CTNNA3: variants seen among roughly 807,000 people sequenced by gnomAD.
The protein encoded by CTNNA3 is catenin alpha 3.
Under a neutral mutation model 95.7 loss-of-function variants are expected in CTNNA3, and 76 were observed. The observed-to-expected ratio is 0.79, with a 90% confidence interval of 0.66 to 0.96. The LOEUF (loss-of-function observed/expected upper bound fraction) is 0.96, where lower values mean the gene tolerates loss of function less well. Ranked by LOEUF, CTNNA3 falls within the 40% of genes least tolerant of loss-of-function variation. The pLI is 0.00. For synonymous variants in CTNNA3, 431 were observed against 374.4 expected (o/e 1.15, Z -1.74); for missense variants, 1,191 against 1,089.8 (o/e 1.09, Z -1.31).
chr10:67,325,501 A>C (rs1270246808), intron 5 of CTNNA3, among the ~76,000 whole-genome samples: 1 of 152,134 alleles, frequency 6.6e-6, no homozygotes, highest in Non-Finnish European at 1.5e-5. Flanking sequence ...CTCAAAAGTC[A>C]TTTAGGAGGT....
At chr10:67,714,154 G>C (rs922895069) in intron 1 of CTNNA3, among the ~76,000 whole-genome samples, 1 of 152,174 alleles carries the variant, frequency 6.6e-6, no homozygotes, top group African/African-American at 2.4e-5. Context: ...TAGTGAAGCT[G>C]TGAGAAGAGG....
intron 5 of CTNNA3, among the ~76,000 whole-genome samples, chr10:67,409,167 G>A (rs1845269663): frequency 6.6e-6 from 1 of 152,146 alleles, no homozygotes; most frequent in Admixed American, 6.5e-5. Flanking sequence ...CATTGTGGAA[G>A]ACAGTGTGGT....
At chr10:66,587,792 A>T (rs1239103890) in intron 10 of CTNNA3, among the ~76,000 whole-genome samples, 2 of 152,062 alleles carry the variant, frequency 1.3e-5, no homozygotes, top group East Asian at 3.9e-4. Context: ...AGAACTAAAA[A>T]CTGCCCCAGG....
chr10:66,813,627 T>C (rs1158136012), intron 7 of CTNNA3, among the ~76,000 whole-genome samples: 1 of 152,208 alleles, frequency 6.6e-6, no homozygotes, highest in Non-Finnish European at 1.5e-5. Flanking sequence ...TAATTATGTT[T>C]CTATTGTATT....
intron 5 of CTNNA3, among the ~76,000 whole-genome samples, chr10:67,343,197 C>T (rs928675198): frequency 2.6e-5 from 4 of 152,206 alleles, no homozygotes; most frequent in South Asian, 2.1e-4. Flanking sequence ...GTGATCTGCC[C>T]GCCTTGGCCT....
intron 12 of CTNNA3, among the ~76,000 whole-genome samples, chr10:66,334,756 T>C (rs1024829613): frequency 1.3e-5 from 2 of 152,134 alleles, no homozygotes; most frequent in Admixed American, 6.5e-5. Flanking sequence ...ATTCTCTGTA[T>C]TTCCTGAATT....
At chr10:66,139,257 A>C (rs1317721713) in intron 13 of CTNNA3, among the ~76,000 whole-genome samples, 1 of 152,128 alleles carries the variant, frequency 6.6e-6, no homozygotes, top group Non-Finnish European at 1.5e-5. Flanking sequence ...ATTTATTCAC[A>C]CTGTATTTCC....
intron 7 of CTNNA3, among the ~76,000 whole-genome samples, chr10:66,897,614 A>C: frequency 6.6e-6 from 1 of 152,290 alleles, no homozygotes; most frequent in South Asian, 2.1e-4. Context: ...AATGCAAGGA[A>C]ATCTTAAATC....
intron 10 of CTNNA3, among the ~76,000 whole-genome samples, chr10:66,608,417 T>C (rs1844206856): frequency 6.6e-6 from 1 of 152,042 alleles, no homozygotes; most frequent in Non-Finnish European, 1.5e-5. Flanking sequence ...AAACTACCAA[T>C]GACACTCTTC....
At chr10:66,783,592 G>T (rs1421353955) in intron 7 of CTNNA3, among the ~76,000 whole-genome samples, 2 of 151,964 alleles carry the variant, frequency 1.3e-5, no homozygotes, top group Non-Finnish European at 2.9e-5. Flanking sequence ...CGAACGTGGA[G>T]AAATGCAATA....
chr10:66,216,426 C>A (rs2088541684), intron 13 of CTNNA3, among the ~76,000 whole-genome samples: 1 of 152,222 alleles, frequency 6.6e-6, no homozygotes, highest in South Asian at 2.1e-4. Flanking sequence ...ATGTTTCTTT[C>A]TGAGGAACTG....
At chr10:65,952,721 T>C (rs1469337386) in intron 17 of CTNNA3, among the ~76,000 whole-genome samples, 1 of 152,216 alleles carries the variant, frequency 6.6e-6, no homozygotes, top group Admixed American at 6.5e-5. Flanking sequence ...TTTTGGTCAA[T>C]AGCTGAATTA....
intron 9 of CTNNA3, 120 bp from the exon 10 acceptor site, chr10:66,621,904 C>G (rs1844764677): frequency 1.9e-6 from 1 of 537,206 alleles, no homozygotes; most frequent in African/African-American, 2.0e-5. Context: ...ATAACATTCT[C>G]AAAATCATCA....
intron 10 of CTNNA3, among the ~76,000 whole-genome samples, chr10:66,576,767 A>T (rs888926451): frequency 6.6e-6 from 1 of 151,898 alleles, no homozygotes; most frequent in Non-Finnish European, 1.5e-5. Context: ...TGTCTTTGCT[A>T]TTGTGAATAG....
At chr10:66,422,632 T>A (rs1478336087) in intron 11 of CTNNA3, among the ~76,000 whole-genome samples, 6 of 152,166 alleles carry the variant, frequency 3.9e-5, no homozygotes, top group Admixed American at 1.3e-4. Flanking sequence ...AACTGTAGGA[T>A]GAATTGGTTC....
At chr10:67,640,444 T>A (rs533383490) in intron 2 of CTNNA3, among the ~76,000 whole-genome samples, 1 of 152,082 alleles carries the variant, frequency 6.6e-6, no homozygotes, top group East Asian at 1.9e-4. Flanking sequence ...GTAATTTATA[T>A]ATTCAATGCC....
At chr10:67,394,031 G>T (rs897336845) in intron 5 of CTNNA3, among the ~76,000 whole-genome samples, 2 of 152,150 alleles carry the variant, frequency 1.3e-5, no homozygotes, top group Non-Finnish European at 2.9e-5. Context: ...TATAAAAATG[G>T]TAGTGGAAGA....
At chr10:66,282,675 G>T (rs1302923357) in intron 12 of CTNNA3, among the ~76,000 whole-genome samples, 1 of 150,674 alleles carries the variant, frequency 6.6e-6, no homozygotes, top group African/African-American at 2.5e-5. Context: ...CTCATTCTCA[G>T]GTTCATTTTA....
chr10:66,530,715 A>G (rs765532966), intron 10 of CTNNA3, among the ~76,000 whole-genome samples: 3 of 151,950 alleles, frequency 2.0e-5, no homozygotes, highest in Non-Finnish European at 4.4e-5. Context: ...TGGCCTCACA[A>G]CCTTTTTTGT....
Sources: gnomAD v4.1 joint callset for allele counts (sites outside exome capture counted in the v4.1 genomes callset) on GRCh38, gnomAD v4.1.1 for gene constraint, MANE v1.5 for transcripts, NCBI Gene and HGNC (gene_info 2026-07-23, HGNC 2026-07-21) for gene names.